Variants in HNRNPUL2 observed in about 807,000 individuals in gnomAD.
HNRNPUL2 encodes heterogeneous nuclear ribonucleoprotein U-like protein 2.
HNRNPUL2 carries 27 observed loss-of-function variants against 102.2 expected under a neutral mutation model. The observed-to-expected ratio is 0.26, with a 90% confidence interval of 0.19 to 0.36. The LOEUF (loss-of-function observed/expected upper bound fraction) is 0.36, where lower values mean the gene tolerates loss of function less well. HNRNPUL2 is among the 10% of genes least tolerant of loss of function. The probability of loss-of-function intolerance (pLI) is 1.00; values close to 1 mark genes in which losing one functional copy is unlikely to be tolerated. For missense variants in HNRNPUL2, 936 were observed against 981.1 expected (o/e 0.95, Z 0.61); for synonymous variants, 458 against 387.2 (o/e 1.18, Z -2.15).
intron 1 of HNRNPUL2, 26 bp downstream of exon 1, chr11:62,726,593 G>A (rs757160418): frequency 1.3e-6 from 2 of 1,508,850 alleles, no homozygotes; most frequent in African/African-American, 2.8e-5. Context: ...GCAGGTTGGA[G>A]CCGGGCTCGG....
chr11:62,718,093 C>G (rs1486056548), intron 10 of HNRNPUL2, among the ~76,000 whole-genome samples: 2 of 152,192 alleles, frequency 1.3e-5, no homozygotes, highest in East Asian at 1.9e-4. Context: ...CTCTGAGGAT[C>G]TGGCTCATAG....
intron 10 of HNRNPUL2, among the ~76,000 whole-genome samples, chr11:62,718,905 A>C (rs1016318918): frequency 1.1e-4 from 16 of 151,682 alleles, no homozygotes; most frequent in African/African-American, 3.6e-4. Context: ...AGCTCACCGC[A>C]AACTCTGCCA....
At chr11:62,719,894 A>T in intron 10 of HNRNPUL2, 129 bp downstream of exon 10, 1 of 829,532 alleles carries the variant, frequency 1.2e-6, no homozygotes, top group Non-Finnish European at 1.9e-6. Flanking sequence ...GAAGGACCTC[A>T]CCAGATGCTA....
intron 3 of HNRNPUL2, 68 bp downstream of exon 3, chr11:62,723,846 A>C: frequency 6.3e-7 from 1 of 1,595,794 alleles, no homozygotes; most frequent in African/African-American, 1.3e-5. Context: ...TAGGCTATGA[A>C]GTTTTAATCT....
chr11:62,723,004 T>G lies in HNRNPUL2; in HGVS notation c.892-101A>C, dbSNP rs888797442. The G allele has an allele frequency of 3.8e-6, 3 of 792,840 alleles. No homozygotes were observed. In the African/African-American group the frequency reaches 5.2e-5, roughly 14 times the overall value. 49.1% of individuals were successfully genotyped at this position (792,840 alleles called of 1,614,324 possible). On this transcript the variant is annotated intron_variant, in intron 4 of 13. Coordinates refer to ENST00000301785, the MANE Select transcript of HNRNPUL2 (RefSeq NM_001079559.3). ...TTTTATACAAACTGAAAACGACATT[T>G]ACCTCAACTCAACATCAGAATAACA...
chr11:62,726,947 G>C lies in HNRNPUL2; in HGVS notation c.210C>G (p.Gly70=). ...EPRPVAASGG[G]PGGDEEEDEE... ...CGTCCTCCTCCTCGTCCCCGCCCGG[G>C]CCGCCGCCCGACGCGGCCACAGGCC... The change falls in exon 1 of 14, where the codon GGC becomes GGG. Residue 70 remains glycine, a synonymous_variant. Coordinates refer to ENST00000301785, the MANE Select transcript of HNRNPUL2 (RefSeq NM_001079559.3). 6.8e-7 allele frequency: 1 copy of C among 1,468,414 alleles called. No individual in the cohort carries two copies. Among genetic ancestry groups the C allele is most frequent in the Non-Finnish European group, 8.9e-7 (1 of 1,118,050 alleles). The allele number at this position is 1,468,414 out of a possible 1,614,324, so 91.0% of individuals were successfully genotyped here.
At chr11:62,724,529 A>G (rs746937218) in intron 1 of HNRNPUL2, 103 bp from the exon 2 acceptor site, 15 of 1,299,000 alleles carry the variant, frequency 1.2e-5, no homozygotes, top group Non-Finnish European at 1.5e-5. Context: ...CTGTCTGATC[A>G]AAACAGCCAG....
chr11:62,724,503 CAG>C (rs2083728792), intron 1 of HNRNPUL2, 77 bp from the exon 2 acceptor site: 4 of 1,507,302 alleles, frequency 2.7e-6, no homozygotes, highest in African/African-American at 1.4e-5. Context: ...TAGACACTAA[CAG>C]GGAATCTGAG....
intron 1 of HNRNPUL2, 145 bp downstream of exon 1, chr11:62,726,474 G>A (rs569500748): frequency 1.7e-5 from 14 of 822,408 alleles, no homozygotes; most frequent in African/African-American, 5.3e-5. Context: ...CCCTCAGAAA[G>A]GTGGGTAGAG....
At chr11:62,726,532 G>T in intron 1 of HNRNPUL2, 87 bp downstream of exon 1, 1 of 1,317,716 alleles carries the variant, frequency 7.6e-7, no homozygotes, top group Admixed American at 2.9e-5. Flanking sequence ...GCGAGAACAA[G>T]GACTCGGACC....
At chr11:62,716,685 A>G (rs2083662789) in intron 11 of HNRNPUL2, among the ~76,000 whole-genome samples, 1 of 152,234 alleles carries the variant, frequency 6.6e-6, no homozygotes, top group African/African-American at 2.4e-5. Flanking sequence ...CTGGGAACCC[A>G]TATGTTAAAA....
In HNRNPUL2 at chr11:62,714,885, C is replaced by T. The variant is rs559974297; in HGVS notation, c.*414G>A. The stretch of plus-strand genomic sequence containing the variant: ...TCGCGCTGCCTCCCCACCCTCCCCA[C>T]ACCACCTCATCACTCTCCTTTACTT... On this transcript the variant is annotated 3_prime_UTR_variant, in exon 14 of 14. Transcript: ENST00000301785. 1 of 175,204 alleles carries T rather than the reference C, an allele frequency of 5.7e-6. No homozygotes were observed. The highest frequency in any genetic ancestry group is 1.2e-4 in the South Asian group (1 of 8,048). The allele number at this position is 175,204 out of a possible 1,614,324, so 10.9% of individuals were successfully genotyped here. A position where few individuals can be genotyped will look rare whatever the true frequency, so the allele number is the denominator to read the frequency against.
chr11:62,721,761 A>C, intron 8 of HNRNPUL2, 59 bp downstream of exon 8: 2 of 1,563,542 alleles, frequency 1.3e-6, no homozygotes, highest in South Asian at 1.1e-5. Context: ...TTCTCCATTA[A>C]AGATAGGTTA....
intron 4 of HNRNPUL2, 147 bp downstream of exon 4, chr11:62,723,440 G>A (rs1036879299): frequency 6.1e-5 from 48 of 792,502 alleles, no homozygotes; most frequent in South Asian, 1.7e-4. Context: ...GTGGTGAGCC[G>A]AGATGGTGCC....
chr11:62,716,418 G>C (rs1285234577), intron 11 of HNRNPUL2, among the ~76,000 whole-genome samples: 1 of 152,148 alleles, frequency 6.6e-6, no homozygotes, highest in African/African-American at 2.4e-5. Context: ...TGACTTAACA[G>C]TTACACACAC....
intron 11 of HNRNPUL2, 65 bp from the exon 12 acceptor site, chr11:62,716,002 G>T: frequency 7.5e-7 from 1 of 1,337,034 alleles, no homozygotes; most frequent in Non-Finnish European, 1.0e-6. Flanking sequence ...CATCTGGGTG[G>T]AAATCAAAAA....
At chr11:62,723,491 CA>C (rs980763300) in intron 4 of HNRNPUL2, 95 bp downstream of exon 4, 561 of 1,293,034 alleles carry the variant, frequency 4.3e-4, no homozygotes, top group East Asian at 6.5e-4. Context: ...AACTCCATCT[CA>C]AAAAAAAAGA....
chr11:62,722,966 C>T (rs892713779), intron 4 of HNRNPUL2, 63 bp from the exon 5 acceptor site: 15 of 1,246,800 alleles, frequency 1.2e-5, no homozygotes, highest in African/African-American at 7.5e-5. Flanking sequence ...ACTCTGAGTT[C>T]GAAGGACAAG....
rs926426522 is a variant in HNRNPUL2, at chr11:62,713,828, T to C, written c.*1471A>G. 5.3e-5 allele frequency: 8 copies of C among 152,254 alleles called. No individual in the cohort carries two copies. Among genetic ancestry groups the C allele is most frequent in the African/African-American group, 1.9e-4 (8 of 41,460 alleles). The allele number at this position is 152,254 out of a possible 1,614,324, so 9.4% of individuals were successfully genotyped here. A position where few individuals can be genotyped will look rare whatever the true frequency, so the allele number is the denominator to read the frequency against. On this transcript the variant is annotated 3_prime_UTR_variant, in exon 14 of 14. Transcript: ENST00000301785. Reference sequence around the variant, plus strand: ...TGAGTAAGCTCTTGGCTGACAGTGCTGAGCAGGAGGATGAATGAAAACTGA... The same window carrying C: ...TGAGTAAGCTCTTGGCTGACAGTGCCGAGCAGGAGGATGAATGAAAACTGA...
Sources: gnomAD v4.1 joint callset for allele counts (sites outside exome capture counted in the v4.1 genomes callset) on GRCh38, gnomAD v4.1.1 for gene constraint, MANE v1.5 for transcripts, NCBI Gene and HGNC (gene_info 2026-07-23, HGNC 2026-07-21) for gene names.